IL1RAPL1: variants seen among roughly 807,000 people sequenced by gnomAD.
IL1RAPL1 encodes the protein interleukin 1 receptor accessory protein like 1.
Under a neutral mutation model 48.4 loss-of-function variants are expected in IL1RAPL1, and 3 were observed. The observed-to-expected ratio is 0.06, with a 90% CI of 0.03 to 0.16. IL1RAPL1 has a LOEUF of 0.16. IL1RAPL1 is among the 10% of genes least tolerant of loss of function. IL1RAPL1 has a pLI of 1.00. For missense variants in IL1RAPL1, 349 were observed against 530.6 expected (o/e 0.66, Z 3.36); for synonymous variants, 185 against 187.7 (o/e 0.99, Z 0.12).
At chrX:29,136,553 G>A (rs903148691) in intron 2 of IL1RAPL1, among the ~76,000 whole-genome samples, 7 of 111,286 alleles carry the variant, frequency 6.3e-5, no homozygotes, top group African/African-American at 1.6e-4. Flanking sequence ...CTGGAGTGTA[G>A]TAGTGTGATT....
At chrX:28,641,703 T>A (rs1934544379) in intron 1 of IL1RAPL1, among the ~76,000 whole-genome samples, 1 of 111,834 alleles carries the variant, frequency 8.9e-6, no homozygotes. Context: ...AAAGCATTCC[T>A]ATTTCTCCAT....
intron 3 of IL1RAPL1, among the ~76,000 whole-genome samples, chrX:29,323,137 T>G (rs994022343): frequency 1.8e-5 from 2 of 111,684 alleles, no homozygotes; most frequent in African/African-American, 6.5e-5. Flanking sequence ...TTTTATCAAT[T>G]CTTATTCTCT....
chrX:29,838,977 CATTGCAGCCTGAGCTTT>C (rs1931075543), intron 6 of IL1RAPL1, among the ~76,000 whole-genome samples: 1 of 111,923 alleles, frequency 8.9e-6, no homozygotes, highest in Non-Finnish European at 1.9e-5. Context: ...CATTTTCCAG[CATTGCAGCCTGAGCTTT>C]TCCAAATGAT....
At chrX:29,045,066 T>C (rs1016098432) in intron 2 of IL1RAPL1, among the ~76,000 whole-genome samples, 3 of 110,990 alleles carry the variant, frequency 2.7e-5, no homozygotes, top group African/African-American at 9.8e-5. Flanking sequence ...ATGTTAGTGA[T>C]TGAAAAATGG....
chrX:29,562,349 T>C (rs998740711), intron 5 of IL1RAPL1, among the ~76,000 whole-genome samples: 4 of 110,798 alleles, frequency 3.6e-5, no homozygotes, highest in African/African-American at 1.3e-4. Flanking sequence ...CACTGGATTC[T>C]AGTTTCCTGA....
At chrX:29,608,660 A>C (rs1292735103) in intron 5 of IL1RAPL1, among the ~76,000 whole-genome samples, 1 of 104,698 alleles carries the variant, frequency 9.6e-6, no homozygotes, top group African/African-American at 3.6e-5. Flanking sequence ...CCCCGTCTCT[A>C]CTAAAAATAC....
chrX:29,355,043 G>A (rs1473836494), intron 3 of IL1RAPL1, among the ~76,000 whole-genome samples: 1 of 111,841 alleles, frequency 8.9e-6, no homozygotes, highest in African/African-American at 3.2e-5. Flanking sequence ...CAGTAAACAA[G>A]AGTAAGGTTT....
chrX:29,192,703 A>G (rs1228773228), intron 2 of IL1RAPL1, among the ~76,000 whole-genome samples: 1 of 112,116 alleles, frequency 8.9e-6, no homozygotes, highest in Non-Finnish European at 1.9e-5. Context: ...AAAATTATTG[A>G]TGATATTACC....
chrX:29,939,996 G>A (rs1237479833), intron 8 of IL1RAPL1, among the ~76,000 whole-genome samples: 2 of 108,814 alleles, frequency 1.8e-5, no homozygotes, highest in Admixed American at 9.8e-5. Context: ...CCAAGTAGCT[G>A]GGATTACAGG....
intron 2 of IL1RAPL1, among the ~76,000 whole-genome samples, chrX:28,895,021 A>T (rs1042764221): frequency 9.0e-6 from 1 of 110,988 alleles, no homozygotes; most frequent in Non-Finnish European, 1.9e-5. Flanking sequence ...GCTGAGCCTG[A>T]TGGGTGTCAG....
At chrX:28,594,554 T>A (rs1933935479) in intron 1 of IL1RAPL1, among the ~76,000 whole-genome samples, 1 of 111,556 alleles carries the variant, frequency 9.0e-6, no homozygotes, top group Admixed American at 9.6e-5. Context: ...ACCAGAGAAA[T>A]GAAGTGAAGT....
chrX:29,792,808 A>G (rs1929666636), intron 6 of IL1RAPL1, among the ~76,000 whole-genome samples: 1 of 111,329 alleles, frequency 9.0e-6, no homozygotes, highest in Non-Finnish European at 1.9e-5. Context: ...TCTCTAAACA[A>G]TTCTAGATCA....
chrX:29,879,307 A>G (rs1321056127), intron 6 of IL1RAPL1, among the ~76,000 whole-genome samples: 1 of 106,933 alleles, frequency 9.4e-6, no homozygotes, highest in East Asian at 2.9e-4. Flanking sequence ...TTTGGGGGTG[A>G]TGAAACTGTT....
chrX:29,233,059 A>G (rs896828628), intron 2 of IL1RAPL1, among the ~76,000 whole-genome samples: 3 of 111,817 alleles, frequency 2.7e-5, no homozygotes, highest in Non-Finnish European at 5.6e-5. Flanking sequence ...TTGGCCTCCC[A>G]AAGTGCTGAA....
chrX:29,248,569 T>C, intron 2 of IL1RAPL1, among the ~76,000 whole-genome samples: 1 of 112,561 alleles, frequency 8.9e-6, no homozygotes. Context: ...GGAAATTCAA[T>C]TGACTTTGAA....
At chrX:29,584,839 C>T (rs1923104307) in intron 5 of IL1RAPL1, among the ~76,000 whole-genome samples, 2 of 112,189 alleles carry the variant, frequency 1.8e-5, no homozygotes, top group African/African-American at 6.5e-5. Context: ...CAGGCATGAG[C>T]CATCATACCT....
At chrX:29,745,875 T>C (rs1162768339) in intron 6 of IL1RAPL1, among the ~76,000 whole-genome samples, 1 of 111,890 alleles carries the variant, frequency 8.9e-6, no homozygotes, top group Non-Finnish European at 1.9e-5. Context: ...GTCTCTGCTA[T>C]CTACCATACC....
At chrX:29,126,658 C>T (rs1182862691) in intron 2 of IL1RAPL1, among the ~76,000 whole-genome samples, 1 of 112,291 alleles carries the variant, frequency 8.9e-6, no homozygotes, top group Non-Finnish European at 1.9e-5. Flanking sequence ...CACCATTTTT[C>T]ACAGGGTCAT....
chrX:28,937,685 G>A (rs1434474854), intron 2 of IL1RAPL1, among the ~76,000 whole-genome samples: 2 of 110,712 alleles, frequency 1.8e-5, no homozygotes, highest in Non-Finnish European at 3.8e-5. Context: ...GAGTAATCAG[G>A]CAAGAGAAAC....
Sources: allele counts gnomAD v4.1 joint callset (sites outside exome capture counted in the v4.1 genomes callset), GRCh38; gene constraint gnomAD v4.1.1; transcripts MANE v1.5; gene names NCBI Gene and HGNC (gene_info 2026-07-23, HGNC 2026-07-21).